GABRA5: variants seen among roughly 807,000 people sequenced by gnomAD.
The protein encoded by GABRA5 is gamma-aminobutyric acid type A receptor subunit alpha5, also known as gamma-aminobutyric acid receptor subunit alpha-5.
Under a neutral mutation model 47.3 loss-of-function variants are expected in GABRA5, and 18 were observed. That is an observed-to-expected ratio of 0.38 (90% CI 0.26 to 0.56). The LOEUF is 0.56. GABRA5 is among the 20% of genes least tolerant of loss of function. The probability of loss-of-function intolerance (pLI) is 0.71; values close to 1 mark genes in which losing one functional copy is unlikely to be tolerated. For missense variants in GABRA5, 365 were observed against 599.3 expected (o/e 0.61, Z 4.08); for synonymous variants, 237 against 229.3 (o/e 1.03, Z -0.30).
intron 3 of GABRA5, among the ~76,000 whole-genome samples, chr15:26,875,030 C>T (rs1262343099): frequency 2.6e-5 from 4 of 152,114 alleles, no homozygotes; most frequent in Admixed American, 6.5e-5. Flanking sequence ...TTTCTAATCT[C>T]AATGTGGGAT....
At chr15:26,945,092 G>T (rs1201657846) in intron 10 of GABRA5, among the ~76,000 whole-genome samples, 1 of 152,224 alleles carries the variant, frequency 6.6e-6, no homozygotes, top group Admixed American at 6.5e-5. Context: ...TCCGAGGAGA[G>T]AAAGGGTCTT....
intron 3 of GABRA5, among the ~76,000 whole-genome samples, chr15:26,876,668 G>T (rs1332962013): frequency 6.6e-6 from 1 of 152,170 alleles, no homozygotes; most frequent in Non-Finnish European, 1.5e-5. Flanking sequence ...AGGCAGCGGG[G>T]GTTGCTCATA....
chr15:26,884,627 A>G (rs1302421242), intron 6 of GABRA5, among the ~76,000 whole-genome samples: 1 of 152,206 alleles, frequency 6.6e-6, no homozygotes, highest in Non-Finnish European at 1.5e-5. Context: ...TGATGCTCTC[A>G]TCTTTGGAGG....
At chr15:26,926,094 G>C (rs1893956410) in intron 7 of GABRA5, among the ~76,000 whole-genome samples, 1 of 152,180 alleles carries the variant, frequency 6.6e-6, no homozygotes, top group Admixed American at 6.5e-5. Context: ...TCAAGCAAGG[G>C]AGATGGAGGG....
intron 3 of GABRA5, among the ~76,000 whole-genome samples, chr15:26,878,502 C>A (rs972151051): frequency 3.3e-5 from 5 of 151,284 alleles, no homozygotes; most frequent in Non-Finnish European, 5.9e-5. Context: ...CATGAAAAAA[C>A]AAAACAAACA....
chr15:26,936,401 T>C (rs915141347), intron 7 of GABRA5, among the ~76,000 whole-genome samples: 3 of 152,150 alleles, frequency 2.0e-5, no homozygotes, highest in African/African-American at 7.2e-5. Flanking sequence ...TGGCCCCCCT[T>C]ACCCCATCCT....
intron 3 of GABRA5, among the ~76,000 whole-genome samples, chr15:26,876,039 T>C (rs1189399086): frequency 6.6e-6 from 1 of 151,988 alleles, no homozygotes; most frequent in Non-Finnish European, 1.5e-5. Context: ...GCTGATAGGT[T>C]ATTGTGGGCA....
At chr15:26,943,122 T>A in intron 9 of GABRA5, 93 bp from the exon 10 acceptor site, 2 of 793,428 alleles carry the variant, frequency 2.5e-6, no homozygotes, top group Non-Finnish European at 4.0e-6. Flanking sequence ...GTCCCCTTTG[T>A]GTCTATCACT....
intron 7 of GABRA5, among the ~76,000 whole-genome samples, chr15:26,931,324 C>G (rs1378949677): frequency 6.6e-6 from 1 of 152,164 alleles, no homozygotes; most frequent in African/African-American, 2.4e-5. Flanking sequence ...AAGGTGCTGG[C>G]AGATTTGATA....
At chr15:26,928,169 G>T (rs1894004852) in intron 7 of GABRA5, among the ~76,000 whole-genome samples, 1 of 152,148 alleles carries the variant, frequency 6.6e-6, no homozygotes. Context: ...AGCTTCTTTG[G>T]TAGTCATCCA....
chr15:26,937,392 G>C, intron 8 of GABRA5, 64 bp downstream of exon 8: 2 of 1,497,204 alleles, frequency 1.3e-6, no homozygotes, highest in Non-Finnish European at 1.8e-6. Context: ...TGGAGAGCTT[G>C]CTGCTCCCAG....
rs142348986 is a variant in GABRA5, at chr15:26,891,467, T to C, written c.497+7910T>C. ...TCCCTATTTGCATAGATAGAATATATAGCAAGCATGCAACAGGAAGCTAGC... is the reference window on the plus strand; with the variant it reads ...TCCCTATTTGCATAGATAGAATATACAGCAAGCATGCAACAGGAAGCTAGC... On this transcript the variant is annotated intron_variant, in intron 6 of 10. Coordinates refer to ENST00000335625, the MANE Select transcript of GABRA5 (RefSeq NM_000810.4). Among the ~76,000 whole-genome samples the C allele has an allele frequency of 4.6e-5, 7 of 152,224 alleles. No individual in the cohort carries two copies. In the East Asian group the frequency reaches 1.2e-3, roughly 25 times the overall value.
At chr15:26,873,102 G>A (rs1053249957) in intron 3 of GABRA5, among the ~76,000 whole-genome samples, 15 of 152,110 alleles carry the variant, frequency 9.9e-5, no homozygotes, top group Admixed American at 3.9e-4. Flanking sequence ...TACGTTTGAC[G>A]ACCTGGGATT....
At position 26,867,245 on chromosome 15, in the gene GABRA5, G is replaced by A. The variant is rs1892337305; in HGVS notation, c.-140+134G>A. 1.3e-5 allele frequency: 2 copies of A among 151,294 alleles called. No individual in the cohort carries two copies. The highest frequency in any genetic ancestry group is 2.0e-4 in the South Asian group (1 of 5,068). The allele number at this position is 151,294 out of a possible 1,614,324, so 9.4% of individuals were successfully genotyped here. ...GGGCGCAAGAGCCGCTCCGCCGGGA[G>A]TGCCGGGGAAGTTCGCGCTGGCAGC... On this transcript the variant is annotated intron_variant, in intron 1 of 10. Transcript: ENST00000335625. The surrounding 1 kb of genome is among the most constrained non-coding windows in gnomAD (Gnocchi z 5.9).
At chr15:26,937,504 G>T (rs978317662) in intron 8 of GABRA5, among the ~76,000 whole-genome samples, 176 bp downstream of exon 8, 9 of 152,140 alleles carry the variant, frequency 5.9e-5, no homozygotes, top group Non-Finnish European at 1.3e-4. Context: ...ATGAGAGCTG[G>T]CCAAAGGAAT....
At chr15:26,905,923 T>C (rs1034998611) in intron 6 of GABRA5, among the ~76,000 whole-genome samples, 8 of 152,132 alleles carry the variant, frequency 5.3e-5, no homozygotes, top group African/African-American at 1.9e-4. Context: ...TTTAGATCTT[T>C]GATATTTAAG....
chr15:26,932,457 A>C (rs1348941881), intron 7 of GABRA5, among the ~76,000 whole-genome samples: 1 of 152,242 alleles, frequency 6.6e-6, no homozygotes, highest in African/African-American at 2.4e-5. Flanking sequence ...TTACAAAGTC[A>C]AGAAACAACA....
intron 8 of GABRA5, chr15:26,939,388 G>T (rs775037079): frequency 1.3e-6 from 1 of 765,306 alleles, no homozygotes; most frequent in Non-Finnish European, 2.4e-6. Context: ...TCTGGTAGGT[G>T]GCAGAAGGGT....
In GABRA5 at chr15:26,868,938, T is replaced by C. The variant is rs1892394310; in HGVS notation, c.-75+145T>C. Reference sequence around the variant, plus strand: ...GAGTATTTGAGTGGAAAACAACGAATTAGGGTGATTCTGCACCCTGAGTAG... The same window carrying C: ...GAGTATTTGAGTGGAAAACAACGAACTAGGGTGATTCTGCACCCTGAGTAG... On this transcript the variant is annotated intron_variant, in intron 2 of 10. Transcript: ENST00000335625. The C allele has an allele frequency of 1.4e-5, 4 of 286,866 alleles. No individual in the cohort carries two copies. The South Asian group carries it at 3.2e-4, about 23-fold the overall frequency. 17.8% of individuals were successfully genotyped at this position (286,866 alleles called of 1,614,324 possible).
Sources: allele counts gnomAD v4.1 joint callset (sites outside exome capture counted in the v4.1 genomes callset), GRCh38; gene constraint gnomAD v4.1.1; non-coding constraint Gnocchi (gnomAD v3.1); transcripts MANE v1.5; gene names NCBI Gene and HGNC (gene_info 2026-07-23, HGNC 2026-07-21).